Variants in WDHD1 observed in about 807,000 individuals in gnomAD.
WDHD1 encodes WD repeat and HMG-box DNA-binding protein 1.
A neutral mutation model predicts 135.4 loss-of-function variants in WDHD1; 111 were observed. The ratio of observed to expected loss-of-function variants is 0.82; its 90% CI spans 0.70 to 0.96. The LOEUF (loss-of-function observed/expected upper bound fraction) is 0.96, where lower values mean the gene tolerates loss of function less well. Among genes scored for constraint, WDHD1 ranks in the 40% least tolerant of loss-of-function variants. The pLI, the probability that WDHD1 is intolerant of heterozygous loss-of-function variation, is 0.00. For missense variants in WDHD1, 1,351 were observed against 1,336.3 expected, an observed-to-expected ratio of 1.01 and a Z score of -0.17; for synonymous variants, 434 against 439.0, an observed-to-expected ratio of 0.99 and a Z score of 0.14.
chr14:54,995,058 T>C (rs997777443), intron 11 of WDHD1, among the ~76,000 whole-genome samples: 6 of 152,210 alleles, frequency 3.9e-5, no homozygotes, highest in African/African-American at 1.2e-4. Flanking sequence ...CTCGGCTCAC[T>C]GCAACCTCCA....
chr14:54,955,680 G>T lies in WDHD1; in HGVS notation c.2931C>A (p.Ser977=). The change falls in exon 24 of 26, where the codon TCC becomes TCA. Residue 977 remains serine (S), a synonymous_variant. Coordinates refer to ENST00000360586, the MANE Select transcript of WDHD1 (RefSeq NM_007086.4). The part of the protein sequence containing the change: ...KPKPKQASAA[S]YFQKRNSQTN... ...TTTGAGAATTTCTTTTCTGGAAATA[G>T]GATGCTGCAGATGCCTATAAAAACA... The T allele has an allele frequency of 1.3e-6, 2 of 1,576,474 alleles. No individual in the cohort carries two copies. The highest frequency in any genetic ancestry group is 1.4e-5 in the African/African-American group (1 of 72,528).
Position 55,027,016 on chromosome 14 carries a change from G to A in WDHD1, c.-17+12C>T. 1 of 536,260 alleles carries A rather than the reference G, an allele frequency of 1.9e-6. No homozygotes were observed. The highest frequency in any genetic ancestry group is 2.1e-5 in the South Asian group (1 of 47,016). The allele number at this position is 536,260 out of a possible 1,614,324, so 33.2% of individuals were successfully genotyped here. On this transcript the variant is annotated intron_variant, in intron 1 of 25. Transcript: ENST00000360586. ...TCCTTGGTGGACGCGGGCAGCCGGA[G>A]TGGGGACTCACCCGGGTGACCGAGC...
intron 2 of WDHD1, among the ~76,000 whole-genome samples, chr14:55,018,706 A>C (rs2042297678): frequency 6.6e-6 from 1 of 152,218 alleles, no homozygotes; most frequent in South Asian, 2.1e-4. Flanking sequence ...CAGCTAGTAG[A>C]ATTTGCTCTG....
intron 24 of WDHD1, among the ~76,000 whole-genome samples, chr14:54,948,385 C>T (rs979378061): frequency 3.3e-5 from 5 of 152,168 alleles, no homozygotes; most frequent in Non-Finnish European, 5.9e-5. Flanking sequence ...TCTTAGCAAA[C>T]GGCACACCAG....
intron 11 of WDHD1, 94 bp downstream of exon 11, chr14:54,995,509 A>G: frequency 9.9e-7 from 1 of 1,006,852 alleles, no homozygotes; most frequent in East Asian, 2.7e-5. Context: ...ACTTAGCTAC[A>G]TTCTACAAAT....
intron 11 of WDHD1, among the ~76,000 whole-genome samples, chr14:54,995,192 G>A (rs1422588930): frequency 6.6e-6 from 1 of 152,050 alleles, no homozygotes; most frequent in Non-Finnish European, 1.5e-5. Context: ...TGTTGGCCAG[G>A]CTGGTCTTGA....
At chr14:54,986,435 T>G (rs2041695716) in intron 14 of WDHD1, among the ~76,000 whole-genome samples, 2 of 152,130 alleles carry the variant, frequency 1.3e-5, no homozygotes, top group African/African-American at 2.4e-5. Context: ...CCCAAAGTGC[T>G]GAGATTACAG....
intron 16 of WDHD1, among the ~76,000 whole-genome samples, chr14:54,981,005 G>A (rs1309552698): frequency 6.6e-6 from 1 of 151,868 alleles, no homozygotes; most frequent in Non-Finnish European, 1.5e-5. Context: ...CAGCTACTGG[G>A]GAGGCTGAGG....
At chr14:54,975,416 C>G (rs565877538) in intron 16 of WDHD1, among the ~76,000 whole-genome samples, 1 of 151,816 alleles carries the variant, frequency 6.6e-6, no homozygotes, top group Non-Finnish European at 1.5e-5. Context: ...GGCGCAATCT[C>G]GGCTCACTGC....
chr14:54,953,970 T>G (rs968069537), intron 24 of WDHD1, among the ~76,000 whole-genome samples: 26 of 151,918 alleles, frequency 1.7e-4, no homozygotes, highest in African/African-American at 6.1e-4. Context: ...TTGGGCCTGT[T>G]GTGGGGTGGG....
chr14:54,943,095 C>A (rs117403611), intron 25 of WDHD1, among the ~76,000 whole-genome samples: 3,852 of 152,296 alleles, frequency 0.025, 69 homozygotes, highest in South Asian at 0.049. Flanking sequence ...GGTGCCTGTG[C>A]TGCGCCCTGC....
chr14:54,944,478 C>A lies in WDHD1; in HGVS notation c.3051-8G>T. The A allele has an allele frequency of 6.4e-7, 1 of 1,574,634 alleles. No individual in the cohort carries two copies. The highest frequency in any genetic ancestry group is 8.6e-7 in the Non-Finnish European group (1 of 1,168,874). On this transcript the variant is annotated splice_region_variant and splice_polypyrimidine_tract_variant and intron_variant, in intron 24 of 25. Transcript: ENST00000360586. ...TGGAACCCGGTCTTTGGCCTAAAAT[C>A]ACAATTATGTGAAAACATTTTATAC...
chr14:54,967,411 G>T lies in WDHD1; in HGVS notation c.2064-17C>A. On this transcript the variant is annotated splice_polypyrimidine_tract_variant and intron_variant, in intron 16 of 25. Transcript: ENST00000360586. The stretch of plus-strand genomic sequence containing the variant: ...GGAATGCACCTGTTAGTAAAGAAAA[G>T]TTCCATCATAAAAATTTACTAACAT... 1 of 1,559,014 alleles carries T rather than the reference G, an allele frequency of 6.4e-7. No homozygotes were observed. Among genetic ancestry groups the T allele is most frequent in the Non-Finnish European group, 8.7e-7 (1 of 1,154,014 alleles).
intron 21 of WDHD1, among the ~76,000 whole-genome samples, chr14:54,959,381 GTCACA>G (rs879851878): frequency 0.088 from 11,963 of 136,140 alleles, 620 homozygotes; most frequent in South Asian, 0.16. Context: ...CTGGATGACA[GTCACA>G]CCCTGGCGGG....
chr14:54,949,748 G>A (rs1013939665), intron 24 of WDHD1, among the ~76,000 whole-genome samples: 1 of 152,182 alleles, frequency 6.6e-6, no homozygotes, highest in African/African-American at 2.4e-5. Context: ...AGAGAGAAAG[G>A]TTAGGTTACC....
chr14:54,998,692 G>A (rs986938255), intron 10 of WDHD1, among the ~76,000 whole-genome samples: 2 of 151,748 alleles, frequency 1.3e-5, no homozygotes, highest in Admixed American at 6.6e-5. Flanking sequence ...ATCTATGGCA[G>A]ATGAGGATCT....
At chr14:55,008,495 T>A in intron 5 of WDHD1, 113 bp downstream of exon 5, 1 of 1,437,780 alleles carries the variant, frequency 7.0e-7, no homozygotes, top group South Asian at 1.3e-5. Context: ...TCTTACTGAA[T>A]AAAACAAAGG....
chr14:55,002,573 G>A (rs1009943327), intron 7 of WDHD1, among the ~76,000 whole-genome samples: 3 of 152,114 alleles, frequency 2.0e-5, no homozygotes, highest in Non-Finnish European at 2.9e-5. Context: ...CCCAAAAAAT[G>A]GAGAACTTGT....
intron 11 of WDHD1, among the ~76,000 whole-genome samples, chr14:54,992,492 A>G (rs557056669): frequency 6.6e-6 from 1 of 152,322 alleles, no homozygotes; most frequent in Non-Finnish European, 1.5e-5. Context: ...TCCCTCTCAA[A>G]AAATAAAAAC....
Sources: allele counts gnomAD v4.1 joint callset (sites outside exome capture counted in the v4.1 genomes callset), GRCh38; gene constraint gnomAD v4.1.1; transcripts MANE v1.5; gene names NCBI Gene and HGNC (gene_info 2026-07-23, HGNC 2026-07-21).